The following FGF12 variants were observed in gnomAD, a reference collection of about 807,000 sequenced individuals.
The protein encoded by FGF12 is fibroblast growth factor 12B.
Under a neutral mutation model 23.6 loss-of-function variants are expected in FGF12, and 14 were observed. The observed-to-expected ratio is 0.59, with a 90% CI of 0.39 to 0.93. The LOEUF is 0.93. Among genes scored for constraint, FGF12 ranks in the 40% least tolerant of loss-of-function variants. The pLI, the probability that FGF12 is intolerant of heterozygous loss-of-function variation, is 0.00. For synonymous variants in FGF12, 62 were observed against 77.3 expected (o/e 0.80, Z 1.04); for missense variants, 175 against 217.8 (o/e 0.80, Z 1.24).
intron 2 of FGF12, among the ~76,000 whole-genome samples, chr3:192,648,320 A>T (rs1017166806): frequency 6.6e-6 from 1 of 152,134 alleles, no homozygotes; most frequent in African/African-American, 2.4e-5. Context: ...AGAAAAAATA[A>T]TTGATTTTGT....
At chr3:192,598,908 T>A (rs1437318822) in intron 2 of FGF12, among the ~76,000 whole-genome samples, 2 of 152,074 alleles carry the variant, frequency 1.3e-5, no homozygotes, top group African/African-American at 2.4e-5. Flanking sequence ...GTGGCACATA[T>A]ACACCATGGA....
At chr3:192,261,571 T>C (rs903703981) in intron 4 of FGF12, among the ~76,000 whole-genome samples, 2 of 152,302 alleles carry the variant, frequency 1.3e-5, no homozygotes, top group African/African-American at 4.8e-5. Flanking sequence ...TGTAGAGCTG[T>C]GGAGATGTCA....
At chr3:192,669,848 T>C (rs1330240822) in intron 2 of FGF12, among the ~76,000 whole-genome samples, 1 of 152,150 alleles carries the variant, frequency 6.6e-6, no homozygotes, top group African/African-American at 2.4e-5. Context: ...AGTGAACCAA[T>C]ATTTTTCAAA....
chr3:192,428,578 A>G (rs1280413802), intron 2 of FGF12, among the ~76,000 whole-genome samples: 1 of 152,020 alleles, frequency 6.6e-6, no homozygotes. Flanking sequence ...CTTGACAGTG[A>G]CTCTTCTCTT....
At position 192,409,415 on chromosome 3, in the gene FGF12, G is replaced by C. The variant is rs1035656231; in HGVS notation, c.14-48877C>G. 3.9e-5 allele frequency among the ~76,000 whole-genome samples: 6 copies of C among 152,340 alleles called. No homozygotes were observed. Among genetic ancestry groups the C allele is most frequent in the African/African-American group, 1.4e-4 (6 of 41,586 alleles). ...GCTCAGAGGGAGCGAGGGAAGGGAG[G>C]GAAGGAAGGGGCGCCCTGGCGGGCT... On this transcript the variant is annotated intron_variant, in intron 2 of 5. Transcript: ENST00000445105. This position sits in a 1 kb window ranked among gnomAD's most constrained non-coding sequence, Gnocchi z 4.8.
intron 4 of FGF12, among the ~76,000 whole-genome samples, chr3:192,290,408 C>T (rs925708622): frequency 6.6e-6 from 1 of 152,082 alleles, no homozygotes; most frequent in Admixed American, 6.6e-5. Context: ...TAAGTCACAG[C>T]TTCAGATAAA....
intron 4 of FGF12, among the ~76,000 whole-genome samples, chr3:192,321,580 CA>C (rs1716542022): frequency 6.7e-6 from 1 of 150,016 alleles, no homozygotes; most frequent in South Asian, 2.1e-4. Context: ...CAAAATACAG[CA>C]AACCAAATTC....
In FGF12 at chr3:192,250,352, G is replaced by A. The variant is rs576577466; in HGVS notation, c.229-79696C>T. Reference sequence around the variant, plus strand: ...AAAATTAGAGTCATTATTTTGATGAGTTGTGCATAAGTTATGGTCAGCACA... The same window carrying A: ...AAAATTAGAGTCATTATTTTGATGAATTGTGCATAAGTTATGGTCAGCACA... On this transcript the variant is annotated intron_variant, in intron 4 of 5. Coordinates refer to ENST00000445105, the MANE Select transcript of FGF12 (RefSeq NM_004113.6). 2.0e-5 allele frequency among the ~76,000 whole-genome samples: 3 copies of A among 152,222 alleles called. No homozygotes were observed. The East Asian group carries it at 5.8e-4, about 29-fold the overall frequency.
intron 2 of FGF12, among the ~76,000 whole-genome samples, chr3:192,670,170 G>C (rs1315986528): frequency 6.6e-6 from 1 of 152,064 alleles, no homozygotes; most frequent in Non-Finnish European, 1.5e-5. Context: ...TGACAATCCA[G>C]CTGTCTTTTA....
chr3:192,167,859 T>A (rs138677393), intron 5 of FGF12, among the ~76,000 whole-genome samples: 1,650 of 144,674 alleles, frequency 0.011, 32 homozygotes, highest in African/African-American at 0.039. Context: ...CACTGCAATC[T>A]CCACCTCCTT....
At chr3:192,475,291 T>C (rs1166322829) in intron 2 of FGF12, among the ~76,000 whole-genome samples, 1 of 152,196 alleles carries the variant, frequency 6.6e-6, no homozygotes, top group Non-Finnish European at 1.5e-5. Flanking sequence ...TAGTAAGGAT[T>C]AAGGATAGGT....
intron 4 of FGF12, among the ~76,000 whole-genome samples, chr3:192,282,114 A>G (rs1012003197): frequency 1.1e-4 from 17 of 152,254 alleles, no homozygotes; most frequent in African/African-American, 3.4e-4. Context: ...TAAAATGTGT[A>G]TTTTATTGGT....
chr3:192,662,784 T>C lies in FGF12; in HGVS notation c.13+64397A>G, dbSNP rs189442503. On this transcript the variant is annotated intron_variant, in intron 2 of 5. Coordinates refer to ENST00000445105, the MANE Select transcript of FGF12 (RefSeq NM_004113.6). ...TATTTCATTTTGAGTCAGAGTCTTA[T>C]TGATTACCAGAAGGAATAGATCATA... 3.3e-5 allele frequency among the ~76,000 whole-genome samples: 5 copies of C among 152,346 alleles called. No individual in the cohort carries two copies. The East Asian group carries it at 9.6e-4, about 29-fold the overall frequency.
chr3:192,654,417 A>G (rs1344417509), intron 2 of FGF12, among the ~76,000 whole-genome samples: 3 of 100,132 alleles, frequency 3.0e-5, no homozygotes. Context: ...GATCTAAATG[A>G]TAAAAAAAAT....
intron 2 of FGF12, among the ~76,000 whole-genome samples, chr3:192,570,811 T>A (rs1342114953): frequency 6.6e-6 from 1 of 152,198 alleles, no homozygotes; most frequent in African/African-American, 2.4e-5. Flanking sequence ...ACAGTAATAA[T>A]ATGTATAAGA....
chr3:192,459,798 C>A (rs1306649189), intron 2 of FGF12, among the ~76,000 whole-genome samples: 1 of 149,850 alleles, frequency 6.7e-6, no homozygotes, highest in Non-Finnish European at 1.5e-5. Flanking sequence ...AAGAAAAATT[C>A]TTAATAATCT....
At chr3:192,702,709 T>C (rs779749035) in intron 2 of FGF12, among the ~76,000 whole-genome samples, 2 of 152,008 alleles carry the variant, frequency 1.3e-5, no homozygotes, top group Non-Finnish European at 2.9e-5. Context: ...GCAGGATCAC[T>C]AGAACCCGGG....
At chr3:192,470,183 A>AT (rs112970490) in intron 2 of FGF12, among the ~76,000 whole-genome samples, 1 of 152,126 alleles carries the variant, frequency 6.6e-6, no homozygotes, top group African/African-American at 2.4e-5. Flanking sequence ...CTTAAAAACA[A>AT]TTTTTTTACT....
At chr3:192,419,706 A>G (rs1721461624) in intron 2 of FGF12, among the ~76,000 whole-genome samples, 1 of 152,178 alleles carries the variant, frequency 6.6e-6, no homozygotes, top group Non-Finnish European at 1.5e-5. Flanking sequence ...GACATAAAAA[A>G]GGGAAAATAA....
Sources: allele counts gnomAD v4.1 joint callset (sites outside exome capture counted in the v4.1 genomes callset), GRCh38; gene constraint gnomAD v4.1.1; non-coding constraint Gnocchi (gnomAD v3.1); transcripts MANE v1.5; gene names NCBI Gene and HGNC (gene_info 2026-07-23, HGNC 2026-07-21).